Variants in AK7 observed in about 807,000 individuals in gnomAD.
The protein encoded by AK7 is adenylate kinase 7.
A neutral mutation model predicts 96.6 loss-of-function variants in AK7; 78 were observed. The ratio of observed to expected loss-of-function variants is 0.81; its 90% CI spans 0.67 to 0.97. The LOEUF is 0.97. AK7 is among the 50% of genes least tolerant of loss of function. The pLI, the probability that AK7 is intolerant of heterozygous loss-of-function variation, is 0.00. For missense variants in AK7, 855 were observed against 887.9 expected, an observed-to-expected ratio of 0.96 and a Z score of 0.47; for synonymous variants, 302 against 317.2, an observed-to-expected ratio of 0.95 and a Z score of 0.51.
At chr14:96,474,249 G>T (rs541037211) in intron 14 of AK7, among the ~76,000 whole-genome samples, 1 of 152,196 alleles carries the variant, frequency 6.6e-6, no homozygotes, top group South Asian at 2.1e-4. Flanking sequence ...AGTTTGCAGA[G>T]AAGCTTCTGG....
At chr14:96,437,689 T>C in intron 5 of AK7, 146 bp from the exon 6 acceptor site, 3 of 608,432 alleles carry the variant, frequency 4.9e-6, no homozygotes, top group Admixed American at 3.1e-5. Flanking sequence ...CTTTAAGAGA[T>C]AGGATTTGTA....
Position 96,486,254 on chromosome 14 carries a change from T to A in AK7, c.1975-644T>A, listed in dbSNP as rs112052060. 1.3e-3 allele frequency among the ~76,000 whole-genome samples: 194 copies of A among 152,344 alleles called. 2 individuals are homozygous for A. The highest frequency in any genetic ancestry group is 4.4e-3 in the African/African-American group (185 of 41,588). ...ATCCCCCTCTCTGTCCTGCCTTGCA[T>A]GGGAGGCTTCATTCTTAGGTGCACC... On this transcript the variant is annotated intron_variant, in intron 16 of 17. Coordinates refer to ENST00000267584, the MANE Select transcript of AK7 (RefSeq NM_152327.5).
intron 4 of AK7, among the ~76,000 whole-genome samples, chr14:96,410,714 T>C (rs1481960762): frequency 2.0e-5 from 3 of 152,202 alleles, no homozygotes; most frequent in Non-Finnish European, 4.4e-5. Context: ...GTATAATCAG[T>C]GTACTAAGCC....
chr14:96,471,695 C>G (rs762598473), intron 13 of AK7, 89 bp downstream of exon 13: 52 of 1,111,158 alleles, frequency 4.7e-5, no homozygotes, highest in Non-Finnish European at 5.5e-5. Context: ...TTAAAGTAAA[C>G]AGAAAACTAG....
chr14:96,427,298 G>A (rs1892081741), intron 5 of AK7, among the ~76,000 whole-genome samples: 1 of 152,166 alleles, frequency 6.6e-6, no homozygotes, highest in Admixed American at 6.5e-5. Flanking sequence ...AGTTCCACAG[G>A]CTGTACAGGA....
intron 4 of AK7, among the ~76,000 whole-genome samples, chr14:96,413,281 C>T (rs558207018): frequency 6.6e-6 from 1 of 152,304 alleles, no homozygotes; most frequent in South Asian, 2.1e-4. Context: ...TTGCTTCCCA[C>T]CTGCCCCTCC....
At chr14:96,480,791 T>C (rs1392260105) in intron 15 of AK7, among the ~76,000 whole-genome samples, 1 of 152,120 alleles carries the variant, frequency 6.6e-6, no homozygotes, top group Non-Finnish European at 1.5e-5. Flanking sequence ...CCTGTGCCCA[T>C]CTCATTTGGC....
intron 10 of AK7, among the ~76,000 whole-genome samples, chr14:96,452,699 C>G (rs10146228): frequency 0.023 from 3,528 of 151,932 alleles, 136 homozygotes; most frequent in African/African-American, 0.081. Context: ...TGCTCCATAG[C>G]CCAGGCTGCA....
Position 96,416,037 on chromosome 14 carries a change from A to T in AK7, c.499-4785A>T, listed in dbSNP as rs1891330460. ...TTGTCACACGTAATAACCAGGGAGAAACGGAGTCCACCAAATGATCCACGT... is the reference window on the plus strand; with the variant it reads ...TTGTCACACGTAATAACCAGGGAGATACGGAGTCCACCAAATGATCCACGT... On this transcript the variant is annotated intron_variant, in intron 4 of 17. Coordinates refer to ENST00000267584, the MANE Select transcript of AK7 (RefSeq NM_152327.5). Among the ~76,000 whole-genome samples, 2 of 152,074 alleles carry T rather than the reference A, an allele frequency of 1.3e-5. 1 individual carries two copies. Among genetic ancestry groups the T allele is most frequent in the South Asian group, 4.1e-4 (2 of 4,824 alleles).
intron 6 of AK7, among the ~76,000 whole-genome samples, chr14:96,442,151 A>C (rs1306830943): frequency 1.3e-5 from 2 of 152,176 alleles, no homozygotes; most frequent in Non-Finnish European, 1.5e-5. Flanking sequence ...TGAAATACTT[A>C]ATGAGAAGAA....
chr14:96,411,962 C>G (rs1365909202), intron 4 of AK7, among the ~76,000 whole-genome samples: 5 of 152,214 alleles, frequency 3.3e-5, no homozygotes, highest in Non-Finnish European at 7.3e-5. Context: ...TCAGTAAATT[C>G]TCCTACTTTC....
chr14:96,486,801 T>C, intron 16 of AK7, 97 bp from the exon 17 acceptor site: 1 of 1,122,694 alleles, frequency 8.9e-7, no homozygotes, highest in Non-Finnish European at 1.3e-6. Context: ...ATGGTGACCA[T>C]TTCTAGCAGT....
chr14:96,478,667 G>T lies in AK7; in HGVS notation c.1753+5G>T. ...AAATTCACCCGATACATATTGGTATGAAATGAATTCAAGGATAATGTGAAT... is the reference window on the plus strand; with the variant it reads ...AAATTCACCCGATACATATTGGTATTAAATGAATTCAAGGATAATGTGAAT... On this transcript the variant is annotated splice_donor_5th_base_variant and intron_variant, in intron 15 of 17. Transcript: ENST00000267584. 1 of 1,613,190 alleles carries T rather than the reference G, an allele frequency of 6.2e-7. No individual in the cohort carries two copies. The highest frequency in any genetic ancestry group is 2.2e-5 in the East Asian group (1 of 44,874).
At chr14:96,446,294 G>A (rs890245848) in intron 7 of AK7, among the ~76,000 whole-genome samples, 1 of 152,068 alleles carries the variant, frequency 6.6e-6, no homozygotes, top group Non-Finnish European at 1.5e-5. Flanking sequence ...TTCCACTTTC[G>A]CAATAGCTCT....
At chr14:96,407,149 A>G (rs12896173) in intron 3 of AK7, among the ~76,000 whole-genome samples, 30,421 of 152,200 alleles carry the variant, frequency 0.2, 3,347 homozygotes, top group East Asian at 0.49. Context: ...AAGGGGAACA[A>G]GCAGATCATT....
intron 5 of AK7, among the ~76,000 whole-genome samples, chr14:96,429,645 T>C (rs1200893257): frequency 6.6e-6 from 1 of 152,194 alleles, no homozygotes; most frequent in African/African-American, 2.4e-5. Flanking sequence ...CGTTGAGCAG[T>C]GGTTTGTAGT....
At position 96,451,505 on chromosome 14, in the gene AK7, C is replaced by T. The variant is rs756978825; in HGVS notation, c.1033C>T (p.Gln345Ter). The T allele has an allele frequency of 2.5e-6, 4 of 1,601,384 alleles. No homozygotes were observed. Among genetic ancestry groups the T allele is most frequent in the Non-Finnish European group, 3.4e-6 (4 of 1,173,116 alleles). The change falls in exon 10 of 18, where the codon CAA becomes TAA. Residue 345 changes from glutamine to a stop codon, truncating the protein, a stop_gained. Coordinates refer to ENST00000267584, the MANE Select transcript of AK7 (RefSeq NM_152327.5). LOFTEE classifies it high-confidence loss of function. ...GAATTTTAATATTCGATGGGCTGCC[C>T]AAACAGGATTTGTGGAAAATATCAA... is the stretch of plus-strand genomic sequence containing the variant. Reference protein sequence around the residue: ...KENFNIRWAAQTGFVENINTI... With the variant: ...KENFNIRWAA
intron 9 of AK7, 52 bp from the exon 10 acceptor site, chr14:96,451,369 A>C: frequency 6.8e-7 from 1 of 1,479,844 alleles, no homozygotes. Flanking sequence ...CTGTTATGAC[A>C]GTCAGAATTA....
rs145513246 is a variant in AK7 at position 96,453,003 on chromosome 14, G to A, written c.1098+1433G>A. 3.0e-3 allele frequency among the ~76,000 whole-genome samples: 452 copies of A among 152,256 alleles called. 1 individual carries two copies. The highest frequency in any genetic ancestry group is 5.1e-3 in the Non-Finnish European group (347 of 68,032). ...AGTGTTTTGAAAACTGTAAAATGGC[G>A]TATGTGAGTAACAGGTGTCATCATA... On this transcript the variant is annotated intron_variant, in intron 10 of 17. Transcript: ENST00000267584.
Sources: gnomAD v4.1 joint callset for allele counts (sites outside exome capture counted in the v4.1 genomes callset) on GRCh38, gnomAD v4.1.1 for gene constraint, MANE v1.5 for transcripts, NCBI Gene and HGNC (gene_info 2026-07-23, HGNC 2026-07-21) for gene names.